The following LRRC37A2 variants were observed in gnomAD, a reference collection of about 807,000 sequenced individuals.
LRRC37A2 encodes the protein leucine-rich repeat-containing protein 37A2.
LRRC37A2 carries 9 observed loss-of-function variants against 68.8 expected under a neutral mutation model. The observed-to-expected ratio is 0.13, with a 90% confidence interval of 0.08 to 0.23. The LOEUF (loss-of-function observed/expected upper bound fraction) is 0.23, where lower values mean the gene tolerates loss of function less well. Among genes scored for constraint, LRRC37A2 ranks in the 10% least tolerant of loss-of-function variants. LRRC37A2 has a pLI of 1.00. For synonymous variants in LRRC37A2, 63 were observed against 367.6 expected (o/e 0.17, Z 9.48); for missense variants, 168 against 950.4 (o/e 0.18, Z 10.82).
the LRRC37A2 span, among the ~76,000 whole-genome samples, chr17:46,982,644 C>CCACG: frequency 5.3e-5 from 8 of 152,188 alleles, no homozygotes; most frequent in Non-Finnish European, 1.2e-4. Flanking sequence ...TGTTCCAAAG[C>CCACG]CACGCTCTTC....
chr17:46,710,044 G>T, the LRRC37A2 span, among the ~76,000 whole-genome samples: 3 of 152,186 alleles, frequency 2.0e-5, no homozygotes, highest in Non-Finnish European at 4.4e-5. Flanking sequence ...ACAGCTTTAT[G>T]TGAGGTGCAT....
At chr17:47,018,440 C>G in the LRRC37A2 span, 2 of 1,563,558 alleles carry the variant, frequency 1.3e-6, no homozygotes, top group East Asian at 4.5e-5. Flanking sequence ...AGCCTCCAGA[C>G]GTGCAGCTCA....
the LRRC37A2 span, chr17:46,940,571 C>A: frequency 6.2e-7 from 1 of 1,614,156 alleles, no homozygotes; most frequent in Middle Eastern, 1.6e-4. Context: ...AAGGATCCTG[C>A]CAGACAGCAC....
the LRRC37A2 span, among the ~76,000 whole-genome samples, chr17:46,868,933 G>T: frequency 0.011 from 1,709 of 152,324 alleles, 38 homozygotes; most frequent in African/African-American, 0.039. Flanking sequence ...ATTCACTGTT[G>T]AGGAAAATAG....
chr17:46,709,583 C>T, the LRRC37A2 span, among the ~76,000 whole-genome samples: 1 of 151,856 alleles, frequency 6.6e-6, no homozygotes, highest in African/African-American at 2.4e-5. Flanking sequence ...CAACCTCCGC[C>T]TCCCGGGTTC....
chr17:46,743,991 T>G, the LRRC37A2 span, among the ~76,000 whole-genome samples: 2 of 152,186 alleles, frequency 1.3e-5, no homozygotes, highest in Admixed American at 6.5e-5. Flanking sequence ...ACCTGTCCCT[T>G]CTTTTCAAGG....
chr17:46,817,584 G>A, the LRRC37A2 span, among the ~76,000 whole-genome samples: 3 of 152,092 alleles, frequency 2.0e-5, no homozygotes, highest in Non-Finnish European at 1.5e-5. Flanking sequence ...TGGAGCTGGG[G>A]CTCCCAAAGC....
chr17:46,779,103 A>ACACACACACACACACACCCC, the LRRC37A2 span, among the ~76,000 whole-genome samples: 30 of 133,652 alleles, frequency 2.2e-4, no homozygotes, highest in East Asian at 2.3e-3. Context: ...ACACACACAC[A>ACACACACACACACACACCCC]CCCCAGCCCA....
At chr17:46,986,361 C>T in the LRRC37A2 span, among the ~76,000 whole-genome samples, 3 of 151,926 alleles carry the variant, frequency 2.0e-5, no homozygotes, top group East Asian at 1.9e-4. Flanking sequence ...ACGGGCCTGG[C>T]GCAGTGCCTG....
chr17:46,901,803 A>ATTTTTTTT, the LRRC37A2 span, among the ~76,000 whole-genome samples: 174 of 128,182 alleles, frequency 1.4e-3, 2 homozygotes, highest in African/African-American at 3.3e-3. Flanking sequence ...TGGAGCAAGA[A>ATTTTTTTT]TTTTTTTTTT....
chr17:46,975,077 A>C, the LRRC37A2 span: 22 of 151,582 alleles, frequency 1.5e-4, no homozygotes, highest in East Asian at 1.4e-3. Flanking sequence ...TACGATAAAC[A>C]AAACTAACAA....
chr17:46,872,099 A>C, the LRRC37A2 span, among the ~76,000 whole-genome samples: 5 of 152,148 alleles, frequency 3.3e-5, no homozygotes, highest in Admixed American at 2.0e-4. Context: ...TACTCTGTGC[A>C]TTATTTCCCA....
At chr17:46,757,354 T>C in the LRRC37A2 span, 5 of 152,694 alleles carry the variant, frequency 3.3e-5, no homozygotes, top group Non-Finnish European at 5.9e-5. Context: ...TGTTAACTTA[T>C]GTCTCTTGTT....
chr17:46,795,924 A>C, the LRRC37A2 span, among the ~76,000 whole-genome samples: 2 of 151,750 alleles, frequency 1.3e-5, no homozygotes, highest in African/African-American at 2.4e-5. Flanking sequence ...GTGTGCACAC[A>C]TGTTAAATTC....
At chr17:47,034,559 C>G in the LRRC37A2 span, among the ~76,000 whole-genome samples, 1 of 152,092 alleles carries the variant, frequency 6.6e-6, no homozygotes, top group African/African-American at 2.4e-5. Context: ...TGTTTGGCTA[C>G]ATACTGCCTT....
chr17:46,982,746 G>C, the LRRC37A2 span, among the ~76,000 whole-genome samples: 2 of 152,202 alleles, frequency 1.3e-5, no homozygotes, highest in Non-Finnish European at 2.9e-5. Flanking sequence ...AAGGGGGAGA[G>C]AGACCTTGGG....
the LRRC37A2 span, among the ~76,000 whole-genome samples, chr17:46,758,977 G>A: frequency 5.9e-5 from 9 of 152,280 alleles, no homozygotes; most frequent in Non-Finnish European, 1.0e-4. Context: ...AGGCTGAGGC[G>A]GGCAATCACC....
At chr17:46,418,211 G>T in the LRRC37A2 span, among the ~76,000 whole-genome samples, 29 of 33,476 alleles carry the variant, frequency 8.7e-4, 3 homozygotes, top group South Asian at 9.6e-3. Flanking sequence ...GTGTGTGTGT[G>T]TGTTTGTGTG....
At chr17:46,766,206 C>T in the LRRC37A2 span, among the ~76,000 whole-genome samples, 3 of 152,078 alleles carry the variant, frequency 2.0e-5, no homozygotes, top group Non-Finnish European at 2.9e-5. Context: ...GTCAGGAGTT[C>T]AAGACCAGCC....
Sources: gnomAD v4.1 joint callset for allele counts (sites outside exome capture counted in the v4.1 genomes callset) on GRCh38, gnomAD v4.1.1 for gene constraint, MANE v1.5 for transcripts, NCBI Gene and HGNC (gene_info 2026-07-23, HGNC 2026-07-21) for gene names.